PDE10A: variants seen among roughly 807,000 people sequenced by gnomAD.
PDE10A encodes the protein phosphodiesterase 10A, also known as cAMP and cAMP-inhibited cGMP 3',5'-cyclic phosphodiesterase 10A.
Under a neutral mutation model 97.7 loss-of-function variants are expected in PDE10A, and 39 were observed. The observed-to-expected ratio is 0.40, with a 90% CI of 0.31 to 0.52. The LOEUF (loss-of-function observed/expected upper bound fraction) is 0.52, where lower values mean the gene tolerates loss of function less well. Ranked by LOEUF, PDE10A falls within the 20% of genes least tolerant of loss-of-function variation. The pLI is 0.56. For synonymous variants in PDE10A, 371 were observed against 376.8 expected (o/e 0.98, Z 0.18); for missense variants, 731 against 1,047.8 (o/e 0.70, Z 4.17).
chr6:165,614,856 A>G (rs889122581), intron 1 of PDE10A, among the ~76,000 whole-genome samples: 6 of 152,106 alleles, frequency 3.9e-5, no homozygotes, highest in African/African-American at 1.4e-4. Context: ...TAAAAAAAAA[A>G]AAGAAAAAGT....
rs897836602 is a variant in PDE10A, at chr6:165,711,174, A to T, written c.-614-167606T>A. 6.6e-6 allele frequency among the ~76,000 whole-genome samples: 1 copy of T among 152,222 alleles called. No homozygotes were observed. The highest frequency in any genetic ancestry group is 1.5e-5 in the Non-Finnish European group (1 of 68,032). Reference sequence around the variant, plus strand: ...GCTGGCTGGAGAGAACAACAGGGATATGACGTTAGCAGTAAGTTCTACTAA... The same window carrying T: ...GCTGGCTGGAGAGAACAACAGGGATTTGACGTTAGCAGTAAGTTCTACTAA... On this transcript the variant is annotated intron_variant, in intron 1 of 19. Coordinates refer to the PDE10A transcript ENST00000366882. The surrounding 1 kb of genome is among the most constrained non-coding windows in gnomAD (Gnocchi z 4.5).
At chr6:165,770,574 G>C (rs753046689) in intron 1 of PDE10A, among the ~76,000 whole-genome samples, 1 of 152,136 alleles carries the variant, frequency 6.6e-6, no homozygotes, top group Non-Finnish European at 1.5e-5. Flanking sequence ...AGAAGCACTG[G>C]AGCCAGCCTG....
rs374823563 is a variant in PDE10A, at chr6:165,507,780, A to G, written c.995-25437T>C. Among the ~76,000 whole-genome samples, 7 of 152,002 alleles carry G rather than the reference A, an allele frequency of 4.6e-5. No homozygotes were observed. In the East Asian group the frequency reaches 1.3e-3, roughly 29 times the overall value. On this transcript the variant is annotated intron_variant, in intron 2 of 21. Coordinates refer to ENST00000539869, the MANE Select transcript of PDE10A (RefSeq NM_001385079.1). ...TGGGGGCTTTCAGGGTGATACAAAT[A>G]TTTTACGGTTTTAGTCTCAAAAAGG...
chr6:165,888,334 G>C (rs1371555577), intron 1 of PDE10A, among the ~76,000 whole-genome samples: 1 of 151,598 alleles, frequency 6.6e-6, no homozygotes, highest in Non-Finnish European at 1.5e-5. Context: ...TCGCCAGCCT[G>C]GAGTGCAGTG....
chr6:165,418,800 G>C lies in PDE10A; in HGVS notation c.1654-23C>G. The C allele has an allele frequency of 3.1e-6, 5 of 1,604,068 alleles. No individual in the cohort carries two copies. Among genetic ancestry groups the C allele is most frequent in the Non-Finnish European group, 4.3e-6 (5 of 1,174,388 alleles). On this transcript the variant is annotated intron_variant, in intron 10 of 21. Coordinates refer to ENST00000539869, the MANE Select transcript of PDE10A (RefSeq NM_001385079.1). The surrounding 1 kb of genome is among the most constrained non-coding windows in gnomAD (Gnocchi z 4.8). ...TATCTAAAGACAAATGACAAAATAA[G>C]AGGAAGACAATGAGACATTCAAAGA...
intron 18 of PDE10A, among the ~76,000 whole-genome samples, chr6:165,349,802 T>C (rs1166449127): frequency 1.3e-5 from 2 of 152,174 alleles, no homozygotes; most frequent in African/African-American, 4.8e-5. Context: ...AAGGGGCCAA[T>C]GTATGGCTCA....
At chr6:165,717,328 C>A (rs909078279) in intron 1 of PDE10A, among the ~76,000 whole-genome samples, 14 of 152,166 alleles carry the variant, frequency 9.2e-5, no homozygotes, top group Admixed American at 3.9e-4. Context: ...CAGTGGCTCA[C>A]GCCTCTAATC....
chr6:165,336,221 T>A lies in PDE10A; in HGVS notation c.2977-10A>T. ...CATTGTAGAACCCAAGCTGCCTCCA[T>A]GCAAAAACCACGGACAAGAAACAAA... On this transcript the variant is annotated splice_polypyrimidine_tract_variant and intron_variant, in intron 20 of 21. Transcript: ENST00000539869. The A allele has an allele frequency of 6.2e-7, 1 of 1,606,322 alleles. No homozygotes were observed. Among genetic ancestry groups the A allele is most frequent in the Non-Finnish European group, 8.5e-7 (1 of 1,173,294 alleles).
At chr6:165,630,062 T>C (rs950017679) in intron 1 of PDE10A, among the ~76,000 whole-genome samples, 2 of 152,038 alleles carry the variant, frequency 1.3e-5, no homozygotes, top group Non-Finnish European at 2.9e-5. Flanking sequence ...AAAAATCATA[T>C]AGGGGCCAGG....
At chr6:165,687,491 G>T (rs1191416915) in intron 1 of PDE10A, among the ~76,000 whole-genome samples, 2 of 152,288 alleles carry the variant, frequency 1.3e-5, no homozygotes, top group East Asian at 1.9e-4. Flanking sequence ...TTTAACTATT[G>T]TTTAACCAAC....
intron 2 of PDE10A, among the ~76,000 whole-genome samples, chr6:165,542,216 A>G (rs1425318840): frequency 6.6e-6 from 1 of 152,210 alleles, no homozygotes; most frequent in African/African-American, 2.4e-5. Flanking sequence ...AACACATATA[A>G]AATTGTCACA....
chr6:165,863,463 T>G (rs568737966), intron 1 of PDE10A, among the ~76,000 whole-genome samples: 4 of 152,168 alleles, frequency 2.6e-5, no homozygotes, highest in Non-Finnish European at 5.9e-5. Flanking sequence ...TAACTGCATA[T>G]AACTACCTTT....
At chr6:165,414,769 G>T (rs576406542) in intron 12 of PDE10A, among the ~76,000 whole-genome samples, 3 of 152,310 alleles carry the variant, frequency 2.0e-5, no homozygotes, top group Non-Finnish European at 2.9e-5. Flanking sequence ...TTCCCAAGCG[G>T]TTGTACCATT....
At chr6:165,982,210 G>A (rs1182756066) in intron 1 of PDE10A, among the ~76,000 whole-genome samples, 2 of 152,238 alleles carry the variant, frequency 1.3e-5, no homozygotes, top group African/African-American at 4.8e-5. Flanking sequence ...TTGAAGGAAC[G>A]CGTGAGTCGG....
intron 1 of PDE10A, among the ~76,000 whole-genome samples, chr6:165,740,752 G>T (rs146492178): frequency 5.3e-4 from 81 of 152,256 alleles, no homozygotes; most frequent in African/African-American, 1.9e-3. Context: ...GACAAATACT[G>T]CATGACCTCA....
Position 165,512,715 on chromosome 6 carries a change from C to G in PDE10A, c.995-30372G>C, listed in dbSNP as rs1281841228. Among the ~76,000 whole-genome samples, 3 of 152,128 alleles carry G rather than the reference C, an allele frequency of 2.0e-5. No homozygotes were observed. The East Asian group carries it at 5.8e-4, about 29-fold the overall frequency. On this transcript the variant is annotated intron_variant, in intron 2 of 21. Transcript: ENST00000539869. ...CTTTAGCAGATTCTCAAGAGGAAAACTGATCAGTTGTATGTTAAGTATAAC... is the reference window on the plus strand; with the variant it reads ...CTTTAGCAGATTCTCAAGAGGAAAAGTGATCAGTTGTATGTTAAGTATAAC...
intron 1 of PDE10A, among the ~76,000 whole-genome samples, chr6:165,694,887 T>C (rs534602353): frequency 7.2e-5 from 11 of 152,196 alleles, no homozygotes; most frequent in Admixed American, 7.2e-4. Context: ...AAAAACAGGA[T>C]AGTAACAAGT....
At chr6:165,943,227 GA>G (rs1346574318) in intron 1 of PDE10A, among the ~76,000 whole-genome samples, 1,381 of 55,432 alleles carry the variant, frequency 0.025, 9 homozygotes, top group Middle Eastern at 0.031. Context: ...AAGAAAGAAA[GA>G]AAGAAAGAAG....
chr6:165,400,067 C>G (rs1357567631), intron 13 of PDE10A, among the ~76,000 whole-genome samples: 2 of 152,014 alleles, frequency 1.3e-5, no homozygotes, highest in Non-Finnish European at 2.9e-5. Flanking sequence ...AAAGGCGAGG[C>G]CATAAGGAAA....
Sources: gnomAD v4.1 joint callset for allele counts (sites outside exome capture counted in the v4.1 genomes callset) on GRCh38, gnomAD v4.1.1 for gene constraint, Gnocchi (gnomAD v3.1) non-coding constraint, MANE v1.5 for transcripts, NCBI Gene and HGNC (gene_info 2026-07-23, HGNC 2026-07-21) for gene names.